ZNF888: variants seen among roughly 807,000 people sequenced by gnomAD.
ZNF888 encodes zinc finger protein 888.
ZNF888 carries 5 observed loss-of-function variants against 7.2 expected under a neutral mutation model. The observed-to-expected ratio is 0.70, with a 90% CI of 0.36 to 1.46. The LOEUF is 1.46. Ranked by LOEUF, ZNF888 falls within the 40% of genes most tolerant of loss-of-function variation. The probability of loss-of-function intolerance (pLI) is 0.03; values close to 1 mark genes in which losing one functional copy is unlikely to be tolerated. For missense variants in ZNF888, 716 were observed against 858.0 expected, an observed-to-expected ratio of 0.83 and a Z score of 2.07; for synonymous variants, 240 against 284.3, an observed-to-expected ratio of 0.84 and a Z score of 1.57.
chr19:52,908,742 A>C (rs1232708706), intron 4 of ZNF888, among the ~76,000 whole-genome samples: 1 of 150,286 alleles, frequency 6.7e-6, no homozygotes, highest in African/African-American at 2.5e-5. Context: ...GGTACTCGGG[A>C]GGCTGAGGCA....
In ZNF888 at chr19:52,907,753, T is replaced by A; in HGVS notation, c.569A>T (p.Asn190Ile). 6.2e-7 allele frequency: 1 copy of A among 1,614,042 alleles called. No homozygotes were observed. Among genetic ancestry groups the A allele is most frequent in the Non-Finnish European group, 8.5e-7 (1 of 1,179,978 alleles). Residue 190 changes from asparagine to isoleucine, a missense_variant, in exon 5 of 5, where the codon AAC (asparagine) becomes ATC (isoleucine). Physicochemically the swap from Asn to Ile is moderately radical, Grantham distance 149 (BLOSUM62 -3). Around this residue, in one of 2 missense-constraint regions of ZNF888, gnomAD observed 697 missense variants for 803.4 expected, o/e 0.87. Coordinates refer to ENST00000638862, the MANE Select transcript of ZNF888 (RefSeq NM_001393938.1). ...SCRPKTHISN[N>I]YGNNFFHSSL... is the part of the protein sequence containing the mutation. ...AGAATGGAAGAAATTATTCCCATAG[T>A]TATTAGAAATATGGGTTTTGGGCCT...
At chr19:52,923,078 C>T (rs541362647) in intron 1 of ZNF888, among the ~76,000 whole-genome samples, 33 of 152,114 alleles carry the variant, frequency 2.2e-4, no homozygotes, top group Non-Finnish European at 4.7e-4. Flanking sequence ...CGGGTGAGGA[C>T]TTTAAAAAGC....
At position 52,907,850 on chromosome 19, in the gene ZNF888, T is replaced by G; in HGVS notation, c.472A>C (p.Lys158Gln). The G allele has an allele frequency of 6.2e-7, 1 of 1,614,190 alleles. No individual in the cohort carries two copies. Among genetic ancestry groups the G allele is most frequent in the East Asian group, 2.2e-5 (1 of 44,878 alleles). The change falls in exon 5 of 5, where the codon AAA (lysine) becomes CAA (glutamine). Residue 158 changes from lysine (K) to glutamine (Q), a missense_variant. Around this residue, in one of 2 missense-constraint regions of ZNF888, gnomAD observed 697 missense variants for 803.4 expected, o/e 0.87. Transcript: ENST00000638862. ...PELHIFQPEGKIGNQLEKSIN... is the reference protein window; with the variant it reads ...PELHIFQPEGQIGNQLEKSIN... ...GACTTCTCAAGTTGATTACCAATTT[T>G]CCCTTCGGGCTGAAATATGTGCAGT...
intron 4 of ZNF888, among the ~76,000 whole-genome samples, chr19:52,911,624 C>G (rs1015586524): frequency 6.6e-6 from 1 of 151,902 alleles, no homozygotes; most frequent in Non-Finnish European, 1.5e-5. Flanking sequence ...AGGCGTGAGC[C>G]ACCGTGCCCA....
intron 4 of ZNF888, among the ~76,000 whole-genome samples, chr19:52,912,329 G>A (rs1216207264): frequency 1.5e-4 from 22 of 149,036 alleles, no homozygotes; most frequent in Admixed American, 2.7e-4. Flanking sequence ...TAGCCAGGAT[G>A]GCCTCTATCT....
intron 2 of ZNF888, among the ~76,000 whole-genome samples, chr19:52,918,449 C>T (rs1437226316): frequency 6.6e-6 from 1 of 152,104 alleles, no homozygotes. Flanking sequence ...GCCTGGCAAA[C>T]ATGGTGAAAC....
intron 1 of ZNF888, chr19:52,921,750 G>T: frequency 1.8e-6 from 1 of 553,438 alleles, no homozygotes; most frequent in Non-Finnish European, 2.3e-6. Context: ...CTACATGGAG[G>T]AACCCCGTTT....
intron 1 of ZNF888, among the ~76,000 whole-genome samples, chr19:52,919,651 C>A (rs1600691244): frequency 1.5e-5 from 1 of 66,958 alleles, no homozygotes; most frequent in Non-Finnish European, 3.6e-5. Flanking sequence ...TCTGCCCGGC[C>A]GCCATCCCAT....
chr19:52,923,156 C>T (rs1185114225), intron 1 of ZNF888, among the ~76,000 whole-genome samples: 2 of 152,120 alleles, frequency 1.3e-5, no homozygotes, highest in African/African-American at 4.8e-5. Context: ...GTATACATTG[C>T]CCTATAGCAA....
Position 52,907,392 on chromosome 19 carries a change from C to T in ZNF888, c.930G>A (p.Lys310=). Residue 310 remains lysine (K), a synonymous_variant, in exon 5 of 5, where the codon AAG becomes AAA. Coordinates refer to ENST00000638862, the MANE Select transcript of ZNF888 (RefSeq NM_001393938.1). The part of the protein sequence containing the change: ...CNECGKTFSD[K]SALLVHKTIH... Reference sequence around the variant, plus strand: ...TTGTCTTGTGAACTAAGAGGGCTGACTTGTCACTGAACGTCTTGCCACACT... The same window carrying T: ...TTGTCTTGTGAACTAAGAGGGCTGATTTGTCACTGAACGTCTTGCCACACT... The T allele has an allele frequency of 9.9e-6, 16 of 1,611,776 alleles. No homozygotes were observed. The highest frequency in any genetic ancestry group is 1.4e-5 in the Non-Finnish European group (16 of 1,178,788).
intron 4 of ZNF888, among the ~76,000 whole-genome samples, chr19:52,909,046 G>A (rs1358406426): frequency 6.6e-6 from 1 of 151,764 alleles, no homozygotes; most frequent in Non-Finnish European, 1.5e-5. Context: ...TTGGGAGGCT[G>A]AGGCAGGAGA....
In ZNF888 at chr19:52,917,850, T is replaced by C; in HGVS notation, c.15+9A>G. 3 of 1,613,494 alleles carry C rather than the reference T, an allele frequency of 1.9e-6. No homozygotes were observed. Among genetic ancestry groups the C allele is most frequent in the Non-Finnish European group, 2.5e-6 (3 of 1,179,938 alleles). ...GAGACAGAACAATCCACAGAGAATA[T>C]CATCTCACCTGAGGAAGAGCCATCC... is the stretch of plus-strand genomic sequence containing the variant. On this transcript the variant is annotated intron_variant, in intron 3 of 4. Coordinates refer to ENST00000638862, the MANE Select transcript of ZNF888 (RefSeq NM_001393938.1).
At chr19:52,917,636 C>G (rs147911288) in intron 3 of ZNF888, among the ~76,000 whole-genome samples, 10 of 152,228 alleles carry the variant, frequency 6.6e-5, no homozygotes, top group African/African-American at 2.2e-4. Context: ...TGTGTGTGAG[C>G]CCTTCCCAGG....
chr19:52,920,507 AAAAAAAAAAG>A (rs2064812668), intron 1 of ZNF888, among the ~76,000 whole-genome samples: 2 of 33,286 alleles, frequency 6.0e-5, no homozygotes, highest in Non-Finnish European at 6.1e-5. Context: ...AAAAAAAAAA[AAAAAAAAAAG>A]AAAAAAAAAG....
At position 52,907,000 on chromosome 19, in the gene ZNF888, T is replaced by A. The variant is rs2064617453; in HGVS notation, c.1322A>T (p.Asn441Ile). 7 of 1,612,650 alleles carry A rather than the reference T, an allele frequency of 4.3e-6. No homozygotes were observed. The South Asian group carries it at 7.7e-5, about 18-fold the overall frequency. ...IHTGEKPYKC[N>I]ECGKVFNQQS... ...TTGATTGAAAACCTTGCCACATTCA[T>A]TACACTTGTAAGGTTTCTCTCCAGT... The change falls in exon 5 of 5, where the codon AAT becomes ATT. Residue 441 changes from asparagine to isoleucine, a missense_variant. Physicochemically the swap from Asn to Ile is moderately radical, Grantham distance 149 (BLOSUM62 -3). Coordinates refer to ENST00000638862, the MANE Select transcript of ZNF888 (RefSeq NM_001393938.1).
chr19:52,907,602 T>C lies in ZNF888; in HGVS notation c.720A>G (p.Lys240=). The C allele has an allele frequency of 5.6e-6, 9 of 1,604,834 alleles. No homozygotes were observed. The East Asian group carries it at 2.0e-4, about 36-fold the overall frequency. The change falls in exon 5 of 5, where the codon AAA becomes AAG. Residue 240 remains lysine (K), a synonymous_variant. Coordinates refer to ENST00000638862, the MANE Select transcript of ZNF888 (RefSeq NM_001393938.1). Reference sequence around the variant, plus strand: ...TGCCACATACATCACATTTATATTGTTTCTCTCCTAGATGAATTATCTGAT... The same window carrying C: ...TGCCACATACATCACATTTATATTGCTTCTCTCCTAGATGAATTATCTGAT... ...KKHQIIHLGE[K]QYKCDVCGKD... is the part of the protein sequence containing the mutation.
At chr19:52,922,951 C>T (rs1019415497) in intron 1 of ZNF888, among the ~76,000 whole-genome samples, 2 of 151,994 alleles carry the variant, frequency 1.3e-5, no homozygotes, top group African/African-American at 2.4e-5. Flanking sequence ...GGGTGGGGTC[C>T]GCAGGATCCC....
chr19:52,916,539 T>C lies in ZNF888; in HGVS notation c.16-1217A>G, dbSNP rs376801113. 3.8e-4 allele frequency among the ~76,000 whole-genome samples: 57 copies of C among 150,660 alleles called. 1 individual carries two copies. In the East Asian group the frequency reaches 3.9e-3, roughly 10 times the overall value. On this transcript the variant is annotated intron_variant, in intron 3 of 4. Transcript: ENST00000638862. ...GTGTACCTATATATGTGTGTGTATA[T>C]GTGTGGGGATGTGTGTATATATATT...
intron 4 of ZNF888, among the ~76,000 whole-genome samples, chr19:52,914,672 G>C (rs932396904): frequency 1.3e-5 from 2 of 152,068 alleles, no homozygotes; most frequent in African/African-American, 2.4e-5. Context: ...GTAAGGTTTT[G>C]TTTTTGTTTT....
Sources: gnomAD v4.1 joint callset for allele counts (sites outside exome capture counted in the v4.1 genomes callset) on GRCh38, gnomAD v4.1.1 for gene constraint, gnomAD v4.1.1 regional missense constraint, MANE v1.5 for transcripts, NCBI Gene and HGNC (gene_info 2026-07-23, HGNC 2026-07-21) for gene names.